Variants in KCNH8 observed in about 807,000 individuals in gnomAD.
KCNH8 encodes potassium voltage-gated channel subfamily H member 8.
In KCNH8, 70 loss-of-function variants were observed where a neutral mutation model predicts 103.6. That is an observed-to-expected ratio of 0.68 (90% confidence interval 0.56 to 0.82). KCNH8 has a LOEUF of 0.82. KCNH8 is among the 40% of genes least tolerant of loss of function. The pLI is 0.00. For missense variants in KCNH8, 1,217 were observed against 1,329.9 expected, an observed-to-expected ratio of 0.92 and a Z score of 1.32; for synonymous variants, 498 against 489.4, an observed-to-expected ratio of 1.02 and a Z score of -0.23.
In KCNH8 at chr3:19,180,582, T is replaced by G. The variant is rs151058417; in HGVS notation, c.76+31787T>G. Among the ~76,000 whole-genome samples the G allele has an allele frequency of 2.8e-4, 42 of 152,296 alleles. No homozygotes were observed. In the East Asian group the frequency reaches 7.1e-3, roughly 26 times the overall value. On this transcript the variant is annotated intron_variant, in intron 1 of 15. Coordinates refer to ENST00000328405, the MANE Select transcript of KCNH8 (RefSeq NM_144633.3). The stretch of plus-strand genomic sequence containing the variant: ...CCTTATTTCGGGCAGGTTCTTGTAT[T>G]TTCTGAACTTGACTTCAGGCATTCA...
chr3:19,306,271 AC>A (rs2065129197), intron 3 of KCNH8, among the ~76,000 whole-genome samples: 1 of 152,138 alleles, frequency 6.6e-6, no homozygotes, highest in Non-Finnish European at 1.5e-5. Context: ...CTTACAAAAA[AC>A]CTAAACTAAA....
At chr3:19,504,952 A>C (rs1217429102) in intron 11 of KCNH8, among the ~76,000 whole-genome samples, 1 of 151,222 alleles carries the variant, frequency 6.6e-6, no homozygotes, top group Non-Finnish European at 1.5e-5. Flanking sequence ...TAGACTAGAT[A>C]AAAGAAAATG....
intron 3 of KCNH8, among the ~76,000 whole-genome samples, chr3:19,307,078 C>A (rs904061206): frequency 6.6e-6 from 1 of 151,656 alleles, no homozygotes; most frequent in East Asian, 1.9e-4. Flanking sequence ...ATATCTACAG[C>A]CAACTGATTT....
chr3:19,253,596 G>A (rs925406601), intron 1 of KCNH8, 58 bp from the exon 2 acceptor site: 1 of 1,256,302 alleles, frequency 8.0e-7, no homozygotes, highest in African/African-American at 1.5e-5. Context: ...TACAGGAATT[G>A]TGTATAAATT....
At chr3:19,482,626 C>T (rs1267858520) in intron 11 of KCNH8, among the ~76,000 whole-genome samples, 1 of 152,132 alleles carries the variant, frequency 6.6e-6, no homozygotes, top group African/African-American at 2.4e-5. Flanking sequence ...TTTAAATTCT[C>T]CTAGCGCTGG....
rs562719140 is a variant in KCNH8, at chr3:19,502,282, C to T, written c.2041-8081C>T. ...TCAATGAAATAAAAGAGGATACAAA[C>T]AAATGGAAGAACATTCCATGCTCAT... On this transcript the variant is annotated intron_variant, in intron 11 of 15. Coordinates refer to ENST00000328405, the MANE Select transcript of KCNH8 (RefSeq NM_144633.3). Among the ~76,000 whole-genome samples, 1,018 of 151,208 alleles carry T rather than the reference C, an allele frequency of 6.7e-3. 6 individuals are homozygous for T. Among genetic ancestry groups the T allele is most frequent in the Non-Finnish European group, 0.011 (757 of 67,732 alleles).
chr3:19,337,849 T>C (rs1039832216), intron 3 of KCNH8, among the ~76,000 whole-genome samples: 1 of 152,052 alleles, frequency 6.6e-6, no homozygotes, highest in Non-Finnish European at 1.5e-5. Flanking sequence ...TCAAATGTTC[T>C]CATGTCATTT....
At chr3:19,158,828 T>G (rs1299946801) in intron 1 of KCNH8, among the ~76,000 whole-genome samples, 1 of 151,922 alleles carries the variant, frequency 6.6e-6, no homozygotes, top group Non-Finnish European at 1.5e-5. Context: ...AGTTTTCAGA[T>G]AAGAAATAAT....
At chr3:19,363,878 G>A (rs1217528972) in intron 5 of KCNH8, among the ~76,000 whole-genome samples, 1 of 151,872 alleles carries the variant, frequency 6.6e-6, no homozygotes, top group Non-Finnish European at 1.5e-5. Flanking sequence ...TTCCTCCTTA[G>A]GTAAAATGGC....
chr3:19,236,143 A>C (rs560350036), intron 1 of KCNH8, among the ~76,000 whole-genome samples: 186 of 152,296 alleles, frequency 1.2e-3, no homozygotes, highest in African/African-American at 4.3e-3. Context: ...TTGCAACTCC[A>C]TTGCTCCACA....
At chr3:19,204,067 A>G (rs527711613) in intron 1 of KCNH8, among the ~76,000 whole-genome samples, 116 of 152,216 alleles carry the variant, frequency 7.6e-4, no homozygotes, top group African/African-American at 2.7e-3. Context: ...CATTTCAAAA[A>G]TTATAATTTA....
chr3:19,389,054 T>C (rs1404097606), intron 5 of KCNH8, among the ~76,000 whole-genome samples: 1 of 152,196 alleles, frequency 6.6e-6, no homozygotes, highest in African/African-American at 2.4e-5. Context: ...ATAATACTAA[T>C]CTTCCTTGTC....
intron 5 of KCNH8, among the ~76,000 whole-genome samples, chr3:19,388,842 G>T (rs1204771467): frequency 6.6e-6 from 1 of 152,096 alleles, no homozygotes; most frequent in Non-Finnish European, 1.5e-5. Context: ...GGTGGAAGAT[G>T]TAATCCTGTG....
chr3:19,156,932 G>A (rs748236798), intron 1 of KCNH8, among the ~76,000 whole-genome samples: 20 of 150,996 alleles, frequency 1.3e-4, no homozygotes, highest in Admixed American at 3.3e-4. Flanking sequence ...AAGAAGTAAG[G>A]GTAGTTAGCC....
chr3:19,288,869 C>G (rs1461237328), intron 3 of KCNH8, among the ~76,000 whole-genome samples: 1 of 152,184 alleles, frequency 6.6e-6, no homozygotes, highest in African/African-American at 2.4e-5. Context: ...GTTCCTCTTT[C>G]TCCACACCCT....
intron 1 of KCNH8, among the ~76,000 whole-genome samples, chr3:19,253,225 C>G (rs1021361983): frequency 3.3e-5 from 5 of 152,116 alleles, no homozygotes; most frequent in African/African-American, 1.2e-4. Flanking sequence ...TAATTATGCT[C>G]AAATCTTAGT....
At chr3:19,259,964 T>A (rs2064407557) in intron 2 of KCNH8, among the ~76,000 whole-genome samples, 1 of 151,436 alleles carries the variant, frequency 6.6e-6, no homozygotes, top group African/African-American at 2.4e-5. Context: ...TGTGTGGAAA[T>A]AGGGAGGGCT....
intron 11 of KCNH8, among the ~76,000 whole-genome samples, chr3:19,483,373 C>T (rs1469898332): frequency 1.3e-5 from 2 of 152,122 alleles, no homozygotes; most frequent in African/African-American, 2.4e-5. Flanking sequence ...CTGTCCTAGA[C>T]AACTAAGTCA....
intron 7 of KCNH8, among the ~76,000 whole-genome samples, chr3:19,410,792 C>T (rs1160349295): frequency 6.6e-6 from 1 of 150,418 alleles, no homozygotes; most frequent in African/African-American, 2.5e-5. Flanking sequence ...GATAAAATTT[C>T]CTAAGATTGA....
Sources: gnomAD v4.1 joint callset for allele counts (sites outside exome capture counted in the v4.1 genomes callset) on GRCh38, gnomAD v4.1.1 for gene constraint, MANE v1.5 for transcripts, NCBI Gene and HGNC (gene_info 2026-07-23, HGNC 2026-07-21) for gene names.